The following OR1J2 variants were observed in gnomAD, a reference collection of about 807,000 sequenced individuals.
The protein encoded by OR1J2 is olfactory receptor 1J2.
For missense variants in OR1J2, 304 were observed against 246.1 expected, an observed-to-expected ratio of 1.24 and a Z score of -1.57; for synonymous variants, 142 against 99.7, an observed-to-expected ratio of 1.42 and a Z score of -2.52.
the OR1J2 span, among the ~76,000 whole-genome samples, chr9:122,548,197 C>T: frequency 1.3e-5 from 2 of 152,136 alleles, no homozygotes; most frequent in African/African-American, 2.4e-5. Flanking sequence ...TGAACACTTA[C>T]ATACTGAATT....
chr9:122,495,014 T>A, the OR1J2 span, among the ~76,000 whole-genome samples: 2 of 152,174 alleles, frequency 1.3e-5, no homozygotes, highest in East Asian at 3.9e-4. Flanking sequence ...AATAGGACCC[T>A]AATCCCTTCT....
At chr9:122,494,468 T>G in the OR1J2 span, among the ~76,000 whole-genome samples, 1 of 152,204 alleles carries the variant, frequency 6.6e-6, no homozygotes, top group Non-Finnish European at 1.5e-5. Flanking sequence ...GCTGTTTCTT[T>G]AAAGTTTGTT....
At chr9:122,511,757 A>T (rs775618681), downstream of OR1J2, 6 of 779,284 alleles carry the variant, frequency 7.7e-6, no homozygotes, top group Admixed American at 3.4e-5. Context: ...CTGACTTTTT[A>T]AAAAATTAGA....
the OR1J2 span, among the ~76,000 whole-genome samples, chr9:122,453,842 C>T: frequency 6.6e-6 from 1 of 152,330 alleles, no homozygotes; most frequent in African/African-American, 2.4e-5. Flanking sequence ...CAGGTATTTG[C>T]TTTAACAATG....
the OR1J2 span, among the ~76,000 whole-genome samples, chr9:122,460,746 G>A: frequency 2.0e-5 from 3 of 152,142 alleles, no homozygotes; most frequent in African/African-American, 4.8e-5. Context: ...AACATGGGAT[G>A]TGTTTCCATT....
chr9:122,486,581 A>G, the OR1J2 span, among the ~76,000 whole-genome samples: 4 of 152,362 alleles, frequency 2.6e-5, no homozygotes, highest in East Asian at 1.9e-4. Context: ...TAGAATAGCA[A>G]TCATTCATTA....
chr9:122,524,614 A>T, the OR1J2 span, among the ~76,000 whole-genome samples: 1 of 152,184 alleles, frequency 6.6e-6, no homozygotes, highest in Admixed American at 6.5e-5. Context: ...GAAAGAACTT[A>T]AACCATACCC....
chr9:122,568,553 C>T, the OR1J2 span: 1 of 854,978 alleles, frequency 1.2e-6, no homozygotes, highest in Non-Finnish European at 1.8e-6. Context: ...TCATGAGAAC[C>T]TAGCAAGTCT....
At chr9:122,511,788 A>G (rs186934137), downstream of OR1J2, 318 of 771,966 alleles carry the variant, frequency 4.1e-4, no homozygotes, top group East Asian at 9.7e-5. Context: ...GGTTTATCTC[A>G]TGTATTTGAT....
At chr9:122,552,906 CTAAA>C in the OR1J2 span, among the ~76,000 whole-genome samples, 1,405 of 152,120 alleles carry the variant, frequency 9.2e-3, 22 homozygotes, top group African/African-American at 0.032. Flanking sequence ...CTCACTTCCT[CTAAA>C]TAGCCCATGC....
chr9:122,529,080 G>A, the OR1J2 span, among the ~76,000 whole-genome samples: 14 of 152,168 alleles, frequency 9.2e-5, no homozygotes, highest in South Asian at 1.2e-3. Context: ...GAACTATTGC[G>A]TATGTATCTA....
downstream of OR1J2, among the ~76,000 whole-genome samples, chr9:122,512,774 C>T (rs113396352): frequency 1.3e-3 from 198 of 152,274 alleles, no homozygotes; most frequent in African/African-American, 4.4e-3. Context: ...CATCCAGTGT[C>T]CATCTGTGAC....
the OR1J2 span, among the ~76,000 whole-genome samples, chr9:122,489,732 G>A: frequency 6.6e-6 from 1 of 152,278 alleles, no homozygotes; most frequent in South Asian, 2.1e-4. Context: ...TTGTGTCCAC[G>A]TTCAATTGAG....
the OR1J2 span, among the ~76,000 whole-genome samples, chr9:122,529,629 T>C: frequency 6.6e-6 from 1 of 152,210 alleles, no homozygotes; most frequent in Non-Finnish European, 1.5e-5. Flanking sequence ...TCTCTTTCCC[T>C]AAAAGGGTTT....
the OR1J2 span, among the ~76,000 whole-genome samples, chr9:122,481,395 C>T: frequency 6.6e-6 from 1 of 152,014 alleles, no homozygotes; most frequent in Non-Finnish European, 1.5e-5. Context: ...CAACCACCAA[C>T]ACCACAAAGC....
chr9:122,469,855 T>C, the OR1J2 span, among the ~76,000 whole-genome samples: 47 of 152,172 alleles, frequency 3.1e-4, 1 homozygote, highest in Non-Finnish European at 1.0e-4. Context: ...GCCTCTGCCC[T>C]AGAGATCCGT....
At chr9:122,553,096 T>C in the OR1J2 span, 50 of 972,684 alleles carry the variant, frequency 5.1e-5, 2 homozygotes, top group South Asian at 8.4e-4. Context: ...ATTTTTCTTT[T>C]CTTTTTCTCC....
chr9:122,532,482 A>G, the OR1J2 span, among the ~76,000 whole-genome samples: 77,594 of 149,026 alleles, frequency 0.52, 21,421 homozygotes, highest in African/African-American at 0.69. Context: ...TGCAGTCATG[A>G]GGGTCAGATG....
upstream of OR1J2, chr9:122,510,738 A>T: frequency 1.1e-6 from 1 of 951,910 alleles, no homozygotes; most frequent in Non-Finnish European, 1.6e-6. Context: ...ACTGCTAAAA[A>T]TGATAATTTC....
Sources: allele counts gnomAD v4.1 joint callset (sites outside exome capture counted in the v4.1 genomes callset), GRCh38; gene constraint gnomAD v4.1.1; transcripts MANE v1.5; gene names NCBI Gene and HGNC (gene_info 2026-07-23, HGNC 2026-07-21).